Variants in PLCH2 observed in about 807,000 individuals in gnomAD.
PLCH2 encodes phospholipase C eta 2, also known as 1-phosphatidylinositol 4,5-bisphosphate phosphodiesterase eta-2.
In PLCH2, 98 loss-of-function variants were observed where a neutral mutation model predicts 134.7. That is an observed-to-expected ratio of 0.73 (90% CI 0.62 to 0.86). The LOEUF (loss-of-function observed/expected upper bound fraction) is 0.86. Ranked by LOEUF, PLCH2 falls within the 40% of genes least tolerant of loss-of-function variation. PLCH2 has a pLI of 0.00. For synonymous variants in PLCH2, 974 were observed against 827.5 expected (o/e 1.18, Z -3.04); for missense variants, 1,994 against 1,986.6 (o/e 1.00, Z -0.07).
chr1:2,498,752 C>A lies in PLCH2; in HGVS notation c.2358C>A (p.Asp786Glu), dbSNP rs1220634485. The A allele has an allele frequency of 1.2e-6, 2 of 1,609,962 alleles. No individual in the cohort carries two copies. The highest frequency in any genetic ancestry group is 1.1e-5 in the South Asian group (1 of 90,514). ...CCACTCCTGTGTCCCAGATCATCGA[C>A]CCCTTTGTGGAGGTGGAGATCATTG... ...SMLGDRGEII[D>E]PFVEVEIIGL... is the part of the protein sequence containing the mutation. The change falls in exon 18 of 22, where the codon GAC (aspartate) becomes GAA (glutamate). Residue 786 changes from aspartate to glutamate, a missense_variant. Asp to Glu is a conservative substitution (Grantham distance 45, BLOSUM62 2). Transcript: ENST00000378486. This position sits in a 1 kb window ranked among gnomAD's most constrained non-coding sequence, Gnocchi z 5.4.
chr1:2,486,106 A>G (rs1249550832), intron 5 of PLCH2, among the ~76,000 whole-genome samples: 2 of 152,086 alleles, frequency 1.3e-5, no homozygotes, highest in African/African-American at 4.8e-5. Flanking sequence ...CTGGCTGCAG[A>G]TAGTAGGTCC....
At chr1:2,426,075 T>C (rs940054626) in intron 1 of PLCH2, 3 of 152,244 alleles carry the variant, frequency 2.0e-5, no homozygotes, top group East Asian at 1.9e-4. Flanking sequence ...ACAAAGACCT[T>C]CTTAGGGAAA....
At chr1:2,497,217 C>G (rs969897221) in intron 15 of PLCH2, among the ~76,000 whole-genome samples, 1 of 152,256 alleles carries the variant, frequency 6.6e-6, no homozygotes, top group African/African-American at 2.4e-5. Flanking sequence ...TCCTTCAGGC[C>G]TTGTGGGGGA....
chr1:2,447,917 T>C (rs1640015684), intron 2 of PLCH2, among the ~76,000 whole-genome samples: 3 of 152,150 alleles, frequency 2.0e-5, no homozygotes, highest in African/African-American at 7.2e-5. Context: ...GCTGCGGGAC[T>C]TTGGCAGGGC....
chr1:2,502,510 G>A, intron 21 of PLCH2, 101 bp downstream of exon 21: 2 of 1,197,084 alleles, frequency 1.7e-6, no homozygotes, highest in Non-Finnish European at 2.4e-6. Context: ...CCACATGCAT[G>A]AAGTGTGTGG....
upstream of PLCH2, among the ~76,000 whole-genome samples, chr1:2,423,361 T>G (rs1638614392): frequency 6.6e-6 from 1 of 152,068 alleles, no homozygotes; most frequent in African/African-American, 2.4e-5. Flanking sequence ...CTATTTTTTT[T>G]AAAGAGATGG....
At chr1:2,484,409 G>A (rs953903589) in intron 4 of PLCH2, 39 bp from the exon 5 acceptor site, 4 of 1,607,980 alleles carry the variant, frequency 2.5e-6, no homozygotes, top group Non-Finnish European at 3.4e-6. Flanking sequence ...GCAGGCCCTG[G>A]TCGAGGTGCC....
intron 14 of PLCH2, 36 bp from the exon 15 acceptor site, chr1:2,496,792 G>A (rs1439314110): frequency 1.2e-6 from 2 of 1,610,518 alleles, no homozygotes; most frequent in South Asian, 1.1e-5. Context: ...CGAGGTCGAG[G>A]ACTGGCAGTC....
In PLCH2 at chr1:2,448,266, A is replaced by G. The variant is rs942820; in HGVS notation, c.115+17637A>G. 0.62 allele frequency among the ~76,000 whole-genome samples: 94,118 copies of G among 152,082 alleles called. 30,858 individuals are homozygous for G. The highest frequency in any genetic ancestry group is 0.88 in the East Asian group (4,559 of 5,166). On this transcript the variant is annotated intron_variant, in intron 2 of 3. Coordinates refer to the PLCH2 transcript ENST00000609981. This position sits in a 1 kb window ranked among gnomAD's most constrained non-coding sequence, Gnocchi z 4.0. ...AAACGCCGCACGCTTATTCTCTCGC[A>G]GTCCTGGAGGCTGGAAGTCTGAGGT...
chr1:2,473,297 C>T (rs1322440609), upstream of PLCH2, among the ~76,000 whole-genome samples: 1 of 152,210 alleles, frequency 6.6e-6, no homozygotes, highest in Non-Finnish European at 1.5e-5. Context: ...GCCACCAGGG[C>T]CAGGCAGTCA....
Position 2,504,369 on chromosome 1 carries a change from C to T in PLCH2, c.3407C>T (p.Pro1136Leu), listed in dbSNP as rs769909079. 1.2e-5 allele frequency: 19 copies of T among 1,611,436 alleles called. No individual in the cohort carries two copies. The highest frequency in any genetic ancestry group is 6.7e-5 in the Admixed American group (4 of 59,992). ...GSDPLWQRLE[P>L]CGHRDSVSSS... ...GACCCGCTGTGGCAGCGGCTGGAGC[C>T]ATGTGGCCACCGAGACAGCGTTTCC... The change falls in exon 22 of 22, where the codon CCA becomes CTA. Residue 1136 changes from proline (P) to leucine (L), a missense_variant. Pro to Leu is a moderately conservative substitution (Grantham distance 98, BLOSUM62 -3). Around this residue, in one of 2 missense-constraint regions of PLCH2, gnomAD observed 900 missense variants for 752.3 expected, o/e 1.20. Coordinates refer to ENST00000378486, the MANE Select transcript of PLCH2 (RefSeq NM_014638.4).
Position 2,504,896 on chromosome 1 carries a change from G to A in PLCH2, c.3934G>A (p.Ala1312Thr), listed in dbSNP as rs1003623674. Residue 1312 changes from alanine (A) to threonine (T), a missense_variant, in exon 22 of 22, where the codon GCA becomes ACA. Transcript: ENST00000378486. ...QLRWLTVFQQ[A>T]GDITSPTSLG... ...GCGCTGGCTCACTGTCTTCCAGCAG[G>A]CAGGAGACATCACGTCACCCACCAG... 2 of 1,587,164 alleles carry A rather than the reference G, an allele frequency of 1.3e-6. No homozygotes were observed. The highest frequency in any genetic ancestry group is 1.7e-6 in the Non-Finnish European group (2 of 1,166,178).
intron 2 of PLCH2, among the ~76,000 whole-genome samples, chr1:2,455,828 C>T (rs937132148): frequency 7.9e-5 from 12 of 152,330 alleles, no homozygotes; most frequent in African/African-American, 2.6e-4. Flanking sequence ...CCCTCCCCGG[C>T]CGTGCCCCGG....
At chr1:2,495,812 G>A (rs1177268926) in intron 13 of PLCH2, among the ~76,000 whole-genome samples, 2 of 152,078 alleles carry the variant, frequency 1.3e-5, no homozygotes, top group Admixed American at 1.3e-4. Flanking sequence ...CACAGCCCTG[G>A]ATGCTGCCGG....
Position 2,476,408 on chromosome 1 carries a change from G to T in PLCH2, c.-181G>T. ...GCAGGTGACGGTCAGGCCAATGCCA[G>T]CCGGGCCTGGGCACAGCCCTGTGGG... is the stretch of plus-strand genomic sequence containing the variant. On this transcript the variant is annotated 5_prime_UTR_variant, in exon 1 of 22. Transcript: ENST00000378486. 1.7e-6 allele frequency: 1 copy of T among 577,446 alleles called. No individual in the cohort carries two copies. The highest frequency in any genetic ancestry group is 2.9e-6 in the Non-Finnish European group (1 of 345,384). 35.8% of individuals were successfully genotyped at this position (577,446 alleles called of 1,614,324 possible). A position where few individuals can be genotyped will look rare whatever the true frequency, so the allele number is the denominator to read the frequency against.
upstream of PLCH2, among the ~76,000 whole-genome samples, chr1:2,472,882 C>A (rs10910081): frequency 0.24 from 36,437 of 151,880 alleles, 4,694 homozygotes; most frequent in Admixed American, 0.29. Context: ...GGAGGGGCTG[C>A]GGTACCCAAA....
chr1:2,425,722 C>G (rs1015393627), upstream of PLCH2, among the ~76,000 whole-genome samples: 2 of 150,160 alleles, frequency 1.3e-5, no homozygotes, highest in African/African-American at 4.9e-5. Flanking sequence ...TGGAGTTTCA[C>G]CATGTTGCCC....
intron 2 of PLCH2, among the ~76,000 whole-genome samples, chr1:2,440,219 C>T (rs956750690): frequency 2.0e-5 from 3 of 152,112 alleles, no homozygotes; most frequent in Non-Finnish European, 2.9e-5. Flanking sequence ...GTGGGTATGG[C>T]CCAGGAAGTG....
In PLCH2 at chr1:2,444,974, G is replaced by A. The variant is rs1247445230; in HGVS notation, c.115+14345G>A. ...GGGATTCAGGCACCATGGGAGGCCGGGGAGGGGCAAGTCAGAGGGCGGAGG... is the reference window on the plus strand; with the variant it reads ...GGGATTCAGGCACCATGGGAGGCCGAGGAGGGGCAAGTCAGAGGGCGGAGG... On this transcript the variant is annotated intron_variant, in intron 2 of 3. Transcript: ENST00000609981. This position sits in a 1 kb window ranked among gnomAD's most constrained non-coding sequence, Gnocchi z 4.6. 6.6e-6 allele frequency among the ~76,000 whole-genome samples: 1 copy of A among 152,166 alleles called. No homozygotes were observed. The highest frequency in any genetic ancestry group is 1.5e-5 in the Non-Finnish European group (1 of 68,026).
Sources: gnomAD v4.1 joint callset for allele counts (sites outside exome capture counted in the v4.1 genomes callset) on GRCh38, gnomAD v4.1.1 for gene constraint, gnomAD v4.1.1 regional missense constraint, Gnocchi (gnomAD v3.1) non-coding constraint, MANE v1.5 for transcripts, NCBI Gene and HGNC (gene_info 2026-07-23, HGNC 2026-07-21) for gene names.